Variants in FLG observed in about 807,000 individuals in gnomAD.
The protein encoded by FLG is epidermal filaggrin.
A neutral mutation model predicts 3.8 loss-of-function variants in FLG; 6 were observed. The observed-to-expected ratio is 1.60, with a 90% CI of 0.87 to 3.15. The LOEUF (loss-of-function observed/expected upper bound fraction) is 3.15, where lower values mean the gene tolerates loss of function less well. Ranked by LOEUF, FLG falls within the 30% of genes most tolerant of loss-of-function variation. The pLI is 0.00. For synonymous variants in FLG, 2,551 were observed against 1,931.6 expected (o/e 1.32, Z -8.41); for missense variants, 7,595 against 5,050.9 (o/e 1.50, Z -15.27).
At position 152,309,044 on chromosome 1, in the gene FLG, C is replaced by G. The variant is rs780839867; in HGVS notation, c.5842G>C (p.Glu1948Gln). ...ASRNHLGSAW[E>Q]QSRDGSRHPG... is the part of the protein sequence containing the mutation. ...TGTCTGGAGCCATCTCTTGACTGCT[C>G]CCAAGCAGATCCAAGATGGTTTCTG... The change falls in exon 3 of 3, where the codon GAG becomes CAG. Residue 1948 changes from glutamate (E) to glutamine (Q), a missense_variant. Glu to Gln is a conservative substitution (Grantham distance 29). Transcript: ENST00000368799. The G allele has an allele frequency of 1.2e-6, 2 of 1,614,148 alleles. No homozygotes were observed. Among genetic ancestry groups the G allele is most frequent in the South Asian group, 1.1e-5 (1 of 91,082 alleles).
rs150957860 is a variant in FLG, at chr1:152,312,637, C to T, written c.2249G>A (p.Ser750Asn). The change falls in exon 3 of 3, where the codon AGT becomes AAT. Residue 750 changes from serine (S) to asparagine (N), a missense_variant. By Grantham distance (46) the Ser-to-Asn change is conservative. Coordinates refer to ENST00000368799, the MANE Select transcript of FLG (RefSeq NM_002016.2). ...GTCTGAGTCTTCTGAATGTCCCTCACTGTCAGTGGCCTGACTACCACTGGA... is the reference window on the plus strand; with the variant it reads ...GTCTGAGTCTTCTGAATGTCCCTCATTGTCAGTGGCCTGACTACCACTGGA... The part of the protein sequence containing the change: ...RGSSGSQATD[S>N]EGHSEDSDTQ... The T allele has an allele frequency of 2.3e-5, 37 of 1,613,820 alleles. No individual in the cohort carries two copies. Among genetic ancestry groups the T allele is most frequent in the African/African-American group, 6.7e-5 (5 of 74,820 alleles).
chr1:152,319,582 G>A (rs1033087249), intron 1 of FLG, among the ~76,000 whole-genome samples: 2 of 151,422 alleles, frequency 1.3e-5, no homozygotes, highest in Non-Finnish European at 3.0e-5. Flanking sequence ...AATCCTAAGA[G>A]CAGACAGAGA....
intron 1 of FLG, among the ~76,000 whole-genome samples, chr1:152,317,421 A>G (rs1197095268): frequency 6.6e-6 from 1 of 152,112 alleles, no homozygotes; most frequent in Non-Finnish European, 1.5e-5. Flanking sequence ...CTCACCAAGT[A>G]AAAAATATCC....
rs1191921363 is a variant in FLG at position 152,314,137 on chromosome 1, A to G, written c.749T>C (p.Leu250Pro). 2 of 1,614,024 alleles carry G rather than the reference A, an allele frequency of 1.2e-6. No individual in the cohort carries two copies. Among genetic ancestry groups the G allele is most frequent in the East Asian group, 2.2e-5 (1 of 44,886 alleles). The change falls in exon 3 of 3, where the codon CTA (leucine) becomes CCA (proline). Residue 250 changes from leucine (L) to proline (P), a missense_variant. Leu to Pro is a moderately conservative substitution (Grantham distance 98). Transcript: ENST00000368799. ...TTCATATATTTTGTTTTCTTCTAATAGACTATCAGTGGTGTCATAGGCTTC... is the reference window on the plus strand; with the variant it reads ...TTCATATATTTTGTTTTCTTCTAATGGACTATCAGTGGTGTCATAGGCTTC... ...QDEAYDTTDSLLEENKIYERS... is the reference protein window; with the variant it reads ...QDEAYDTTDSPLEENKIYERS...
rs761275108 is a variant in FLG at position 152,309,341 on chromosome 1, G to C, written c.5545C>G (p.Gln1849Glu). Residue 1849 changes from glutamine (Q) to glutamate (E), a missense_variant, in exon 3 of 3, where the codon CAG (glutamine) becomes GAG (glutamate). Transcript: ENST00000368799. Reference sequence around the variant, plus strand: ...CCACGGGAGACATCAGACCTTTCCTGGGACGTGGTGTGGCTGTGATGAGAC... The same window carrying C: ...CCACGGGAGACATCAGACCTTTCCTCGGACGTGGTGTGGCTGTGATGAGAC... ...SGSHHSHTTS[Q>E]ERSDVSRGQS... The C allele has an allele frequency of 1.9e-6, 3 of 1,613,830 alleles. No individual in the cohort carries two copies. Among genetic ancestry groups the C allele is most frequent in the Non-Finnish European group, 8.5e-7 (1 of 1,179,986 alleles).
At position 152,302,485 on chromosome 1, in the gene FLG, A is replaced by G. The variant is rs930208774; in HGVS notation, c.*215T>C. ...TTTTCTAAAGTTAGCTCTCCATGATATTGATTTCTTCCATTTAATATTTCT... is the reference window on the plus strand; with the variant it reads ...TTTTCTAAAGTTAGCTCTCCATGATGTTGATTTCTTCCATTTAATATTTCT... On this transcript the variant is annotated 3_prime_UTR_variant, in exon 3 of 3. Coordinates refer to ENST00000368799, the MANE Select transcript of FLG (RefSeq NM_002016.2). 1.6e-6 allele frequency: 1 copy of G among 618,960 alleles called. No homozygotes were observed. Among genetic ancestry groups the G allele is most frequent in the Admixed American group, 3.2e-5 (1 of 31,718 alleles). The allele number at this position is 618,960 out of a possible 1,614,324, so 38.3% of individuals were successfully genotyped here. A position where few individuals can be genotyped will look rare whatever the true frequency, so the allele number is the denominator to read the frequency against.
At chr1:152,316,674 G>A (rs1652799163) in intron 1 of FLG, among the ~76,000 whole-genome samples, 1 of 152,054 alleles carries the variant, frequency 6.6e-6, no homozygotes, top group Non-Finnish European at 1.5e-5. Flanking sequence ...TGTATTCTCT[G>A]AACTTATCGT....
At position 152,314,132 on chromosome 1, in the gene FLG, C is replaced by G. The variant is rs147854910; in HGVS notation, c.754G>C (p.Glu252Gln). 1 of 1,614,136 alleles carries G rather than the reference C, an allele frequency of 6.2e-7. No individual in the cohort carries two copies. The highest frequency in any genetic ancestry group is 8.5e-7 in the Non-Finnish European group (1 of 1,180,008). Residue 252 changes from glutamate to glutamine, a missense_variant, in exon 3 of 3, where the codon GAA becomes CAA. Physicochemically the swap from Glu to Gln is conservative, Grantham distance 29 (BLOSUM62 2). Coordinates refer to ENST00000368799, the MANE Select transcript of FLG (RefSeq NM_002016.2). Reference sequence around the variant, plus strand: ...GATCTTTCATATATTTTGTTTTCTTCTAATAGACTATCAGTGGTGTCATAG... The same window carrying G: ...GATCTTTCATATATTTTGTTTTCTTGTAATAGACTATCAGTGGTGTCATAG... ...EAYDTTDSLL[E>Q]ENKIYERSRS... is the part of the protein sequence containing the mutation.
Position 152,312,979 on chromosome 1 carries a change from C to T in FLG, c.1907G>A (p.Arg636Lys), listed in dbSNP as rs773831597. Residue 636 changes from arginine to lysine, a missense_variant, in exon 3 of 3, where the codon AGG (arginine) becomes AAG (lysine). By Grantham distance (26) the Arg-to-Lys change is conservative. Coordinates refer to ENST00000368799, the MANE Select transcript of FLG (RefSeq NM_002016.2). Reference protein sequence around the residue: ...DSQGHSEDSERWSGSASRNHH... With the variant: ...DSQGHSEDSEKWSGSASRNHH... ...GTTTCTGGAAGCAGACCCAGACCACCTCTCAGAGTCTTCTGAGTGTCCCTG... is the reference window on the plus strand; with the variant it reads ...GTTTCTGGAAGCAGACCCAGACCACTTCTCAGAGTCTTCTGAGTGTCCCTG... 1.7e-5 allele frequency: 28 copies of T among 1,613,908 alleles called. No homozygotes were observed. Among genetic ancestry groups the T allele is most frequent in the Non-Finnish European group, 2.3e-5 (27 of 1,180,042 alleles).
Position 152,308,474 on chromosome 1 carries a change from T to G in FLG, c.6412A>C (p.Ile2138Leu). Residue 2138 changes from isoleucine (I) to leucine (L), a missense_variant, in exon 3 of 3, where the codon ATT (isoleucine) becomes CTT (leucine). Coordinates refer to ENST00000368799, the MANE Select transcript of FLG (RefSeq NM_002016.2). ...HSASQEGQDT[I>L]RGHPGPSRGG... The stretch of plus-strand genomic sequence containing the variant: ...CTGCTTGGCCCCGGGTGTCCACGAA[T>G]GGTGTCCTGACCCTCTTGGGATGCT... The G allele has an allele frequency of 6.2e-7, 1 of 1,613,728 alleles. No individual in the cohort carries two copies. The highest frequency in any genetic ancestry group is 1.3e-5 in the African/African-American group (1 of 74,950).
At position 152,311,689 on chromosome 1, in the gene FLG, G is replaced by T. The variant is rs201122754; in HGVS notation, c.3197C>A (p.Ser1066Tyr). Residue 1066 changes from serine to tyrosine, a missense_variant, in exon 3 of 3, where the codon TCC (serine) becomes TAC (tyrosine). Coordinates refer to ENST00000368799, the MANE Select transcript of FLG (RefSeq NM_002016.2). ...SAVRDSGHWG[S>Y]SGSQASDSEG... ...ACTATCACTGGCCTGACTACCACTG[G>T]ACCCCCAGTGTCCACTGTCTCTGAC... 501 of 1,613,946 alleles carry T rather than the reference G, an allele frequency of 3.1e-4. No homozygotes were observed. The highest frequency in any genetic ancestry group is 1.6e-3 in the Middle Eastern group (10 of 6,062).
chr1:152,311,346 G>T lies in FLG; in HGVS notation c.3540C>A (p.His1180Gln), dbSNP rs780762559. The change falls in exon 3 of 3, where the codon CAC becomes CAA. Residue 1180 changes from histidine (H) to glutamine (Q), a missense_variant. Physicochemically the swap from His to Gln is conservative, Grantham distance 24 (BLOSUM62 0). Transcript: ENST00000368799. The part of the protein sequence containing the change: ...GSRRGGRQGS[H>Q]HEQSVDRSGH... ...CAGATCTATCTACCGATTGCTCATG[G>T]TGGGATCCCTGCCTTCCTCCTCTCC... 6.2e-7 allele frequency: 1 copy of T among 1,613,738 alleles called. No individual in the cohort carries two copies. The highest frequency in any genetic ancestry group is 8.5e-7 in the Non-Finnish European group (1 of 1,179,950).
rs202164130 is a variant in FLG at position 152,311,224 on chromosome 1, C to G, written c.3662G>C (p.Arg1221Pro). 4.3e-6 allele frequency: 7 copies of G among 1,613,402 alleles called. No homozygotes were observed. Among genetic ancestry groups the G allele is most frequent in the East Asian group, 2.2e-5 (1 of 44,798 alleles). Reference sequence around the variant, plus strand: ...GCCGTCTCCTGATTGTTTGTCCTTACGAGTTTGTCTGCTTGCACTTCTGGA... The same window carrying G: ...GCCGTCTCCTGATTGTTTGTCCTTAGGAGTTTGTCTGCTTGCACTTCTGGA... ...SGSRSASRQT[R>P]KDKQSGDGSR... Residue 1221 changes from arginine (R) to proline (P), a missense_variant, in exon 3 of 3, where the codon CGT (arginine) becomes CCT (proline). By Grantham distance (103) the Arg-to-Pro change is moderately radical (BLOSUM62 -2). Transcript: ENST00000368799.
At position 152,309,017 on chromosome 1, in the gene FLG, G is replaced by T. The variant is rs377581972; in HGVS notation, c.5869C>A (p.Pro1957Thr). The change falls in exon 3 of 3, where the codon CCT becomes ACT. Residue 1957 changes from proline (P) to threonine (T), a missense_variant. By Grantham distance (38) the Pro-to-Thr change is conservative. Coordinates refer to ENST00000368799, the MANE Select transcript of FLG (RefSeq NM_002016.2). Reference protein sequence around the residue: ...WEQSRDGSRHPGSHHEDRAGH... With the variant: ...WEQSRDGSRHTGSHHEDRAGH... Reference sequence around the variant, plus strand: ...GCTCTGTCTTCGTGATGGGACCCAGGGTGTCTGGAGCCATCTCTTGACTGC... The same window carrying T: ...GCTCTGTCTTCGTGATGGGACCCAGTGTGTCTGGAGCCATCTCTTGACTGC... 3.7e-5 allele frequency: 60 copies of T among 1,613,992 alleles called. No homozygotes were observed. Among genetic ancestry groups the T allele is most frequent in the Non-Finnish European group, 4.9e-5 (58 of 1,180,008 alleles).
Position 152,303,521 on chromosome 1 carries a change from T to C in FLG, c.11365A>G (p.Ser3789Gly), listed in dbSNP as rs1300580111. The change falls in exon 3 of 3, where the codon AGC (serine) becomes GGC (glycine). Residue 3789 changes from serine to glycine, a missense_variant. Ser to Gly is a moderately conservative substitution (Grantham distance 56). Coordinates refer to ENST00000368799, the MANE Select transcript of FLG (RefSeq NM_002016.2). ...GACCTTCCCTGGGATGTGGTGTGGC[T>C]GTGATGGGACCCTGAGTGTCCAGAC... Reference protein sequence around the residue: ...DRSGHSGSHHSHTTSQGRSDA... With the variant: ...DRSGHSGSHHGHTTSQGRSDA... The C allele has an allele frequency of 3.1e-6, 5 of 1,614,074 alleles. No individual in the cohort carries two copies. The highest frequency in any genetic ancestry group is 4.2e-6 in the Non-Finnish European group (5 of 1,180,010).
chr1:152,309,205 C>T lies in FLG; in HGVS notation c.5681G>A (p.Ser1894Asn). The change falls in exon 3 of 3, where the codon AGC (serine) becomes AAC (asparagine). Residue 1894 changes from serine (S) to asparagine (N), a missense_variant. By Grantham distance (46) the Ser-to-Asn change is conservative. Coordinates refer to ENST00000368799, the MANE Select transcript of FLG (RefSeq NM_002016.2). Reference protein sequence around the residue: ...RHHEASSRADSSRHSQVGQGQ... With the variant: ...RHHEASSRADNSRHSQVGQGQ... ...CTGGCCCACCTGCGAGTGTCTAGAG[C>T]TGTCGGCCCGAGAGGAAGCTTCATG... 1.2e-6 allele frequency: 2 copies of T among 1,613,676 alleles called. No homozygotes were observed. Among genetic ancestry groups the T allele is most frequent in the Non-Finnish European group, 1.7e-6 (2 of 1,179,926 alleles).
In FLG at chr1:152,303,207, C is replaced by G. The variant is rs149891038; in HGVS notation, c.11679G>C (p.Glu3893Asp). 1.2e-6 allele frequency: 2 copies of G among 1,614,136 alleles called. No homozygotes were observed. The highest frequency in any genetic ancestry group is 1.7e-5 in the Admixed American group (1 of 60,024). ...GGTGTCTGGAGCCATCTCTTGACTG[C>G]TCCCGAGAAGATCCATGATGGTTTC... ...ASRNHHGSSR[E>D]QSRDGSRHPG... Residue 3893 changes from glutamate to aspartate, a missense_variant, in exon 3 of 3, where the codon GAG (glutamate) becomes GAC (aspartate). Coordinates refer to ENST00000368799, the MANE Select transcript of FLG (RefSeq NM_002016.2).
Position 152,310,406 on chromosome 1 carries a change from C to G in FLG, c.4480G>C (p.Gly1494Arg), listed in dbSNP as rs147239265. The change falls in exon 3 of 3, where the codon GGG becomes CGG. Residue 1494 changes from glycine (G) to arginine (R), a missense_variant. By Grantham distance (125) the Gly-to-Arg change is moderately radical. Transcript: ENST00000368799. The part of the protein sequence containing the change: ...DGQDTIRGHP[G>R]SSRGGRQGSY... ...CCCTGCCTTCCTCCTCTGCTTGACC[C>G]CGGGTGTCCACGAATGGTGTCCTGA... 3.7e-6 allele frequency: 6 copies of G among 1,613,472 alleles called. No homozygotes were observed. Among genetic ancestry groups the G allele is most frequent in the Non-Finnish European group, 5.1e-6 (6 of 1,179,860 alleles).
Position 152,311,286 on chromosome 1 carries a change from G to A in FLG, c.3600C>T (p.Ser1200=), listed in dbSNP as rs141715071. The A allele has an allele frequency of 8.7e-6, 14 of 1,613,588 alleles. No individual in the cohort carries two copies. Among genetic ancestry groups the A allele is most frequent in the African/African-American group, 1.3e-5 (1 of 74,732 alleles). ...CATGGGAGGCATCAGACCTTCCCTG[G>A]GATGTGGTGTGGCTGTGATGGGACC... is the stretch of plus-strand genomic sequence containing the variant. The part of the protein sequence containing the change: ...HSGSHHSHTT[S]QGRSDASHGQ... The change falls in exon 3 of 3, where the codon TCC becomes TCT. Residue 1200 remains serine (S), a synonymous_variant. Transcript: ENST00000368799.
Sources: gnomAD v4.1 joint callset for allele counts (sites outside exome capture counted in the v4.1 genomes callset) on GRCh38, gnomAD v4.1.1 for gene constraint, MANE v1.5 for transcripts, NCBI Gene and HGNC (gene_info 2026-07-23, HGNC 2026-07-21) for gene names.